INTS3: variants seen among roughly 807,000 people sequenced by gnomAD.
INTS3 encodes the protein integrator complex subunit 3, also known as SOSS complex subunit A.
A neutral mutation model predicts 146.3 loss-of-function variants in INTS3; 34 were observed. The observed-to-expected ratio is 0.23, with a 90% CI of 0.18 to 0.31. INTS3 has a LOEUF of 0.31. Among genes scored for constraint, INTS3 ranks in the 10% least tolerant of loss-of-function variants. The pLI, the probability that INTS3 is intolerant of heterozygous loss-of-function variation, is 1.00. For synonymous variants in INTS3, 475 were observed against 494.9 expected (o/e 0.96, Z 0.53); for missense variants, 757 against 1,304.2 (o/e 0.58, Z 6.46).
At chr1:153,740,292 G>A (rs1279462487) in intron 1 of INTS3, among the ~76,000 whole-genome samples, 2 of 151,820 alleles carry the variant, frequency 1.3e-5, no homozygotes, top group Non-Finnish European at 2.9e-5. Context: ...TAGAGACGGG[G>A]TTTCACCGTG....
rs1462202812 is a variant in INTS3 at position 153,755,707 on chromosome 1, G to T, written c.957+968G>T. 2.6e-5 allele frequency among the ~76,000 whole-genome samples: 4 copies of T among 152,150 alleles called. 1 individual carries two copies. The highest frequency in any genetic ancestry group is 6.5e-5 in the Admixed American group (1 of 15,280). On this transcript the variant is annotated intron_variant, in intron 9 of 29. Coordinates refer to ENST00000318967, the MANE Select transcript of INTS3 (RefSeq NM_023015.5). ...GTGTGGTAGCCACCAGCCATGTGTT[G>T]CCATTTAAATGTAAGTTAGTCTGCA... is the stretch of plus-strand genomic sequence containing the variant.
At chr1:153,753,016 G>A (rs1006692237) in intron 8 of INTS3, among the ~76,000 whole-genome samples, 5 of 151,384 alleles carry the variant, frequency 3.3e-5, no homozygotes, top group African/African-American at 1.2e-4. Flanking sequence ...ACGTGCTTGT[G>A]ATCGTGCATG....
Position 153,728,690 on chromosome 1 carries a change from C to CGGG in INTS3, c.57_59dup (p.Gly25dup). On this transcript the variant is annotated inframe_insertion, in exon 1 of 30. Coordinates refer to ENST00000318967, the MANE Select transcript of INTS3 (RefSeq NM_023015.5). ...GCAGCAGCAGCTGCTTCGGGAGCAGCGGGAGGTGGAGGAGGAGGAGCGGGA... is the reference window on the plus strand; with the variant it reads ...GCAGCAGCAGCTGCTTCGGGAGCAGCGGGGGGAGGTGGAGGAGGAGGAGCGGGA... 6.2e-7 allele frequency: 1 copy of CGGG among 1,604,788 alleles called. No homozygotes were observed. Among genetic ancestry groups the CGGG allele is most frequent in the Non-Finnish European group, 8.5e-7 (1 of 1,176,324 alleles).
At chr1:153,746,418 T>G (rs910184355) in intron 3 of INTS3, among the ~76,000 whole-genome samples, 5 of 148,534 alleles carry the variant, frequency 3.4e-5, no homozygotes, top group Admixed American at 2.7e-4. Flanking sequence ...GAGACAGAGT[T>G]TCGCTCCGTC....
rs775898855 is a variant in INTS3 at position 153,760,402 on chromosome 1, A to T, written c.1317+12A>T. 2.5e-6 allele frequency: 4 copies of T among 1,608,912 alleles called. No homozygotes were observed. The South Asian group carries it at 4.4e-5, about 18-fold the overall frequency. ...ACTTCATGTGCCGCGTAAGTGTTAGAGCTCTCTTTTCTCCCCATGCCTGGA... is the reference window on the plus strand; with the variant it reads ...ACTTCATGTGCCGCGTAAGTGTTAGTGCTCTCTTTTCTCCCCATGCCTGGA... On this transcript the variant is annotated intron_variant, in intron 12 of 29. Coordinates refer to ENST00000318967, the MANE Select transcript of INTS3 (RefSeq NM_023015.5).
intron 20 of INTS3, chr1:153,767,463 G>A: frequency 2.1e-6 from 1 of 466,862 alleles, no homozygotes; most frequent in Non-Finnish European, 3.8e-6. Flanking sequence ...GCCCTTTTGA[G>A]CTCTGGGGAA....
chr1:153,773,581 CA>C lies in INTS3; in HGVS notation c.*313del. 1 of 466,238 alleles carries C rather than the reference CA, an allele frequency of 2.1e-6. No homozygotes were observed. The highest frequency in any genetic ancestry group is 4.0e-6 in the Non-Finnish European group (1 of 251,344). 28.9% of individuals were successfully genotyped at this position (466,238 alleles called of 1,614,324 possible). ...GTCCTCAGCCCCCTGGCCCCTTCCGCAATCTCCTCCCCCAGTCTCCCAAAGA... is the reference window on the plus strand; with the variant it reads ...GTCCTCAGCCCCCTGGCCCCTTCCGCATCTCCTCCCCCAGTCTCCCAAAGA... On this transcript the variant is annotated 3_prime_UTR_variant, in exon 30 of 30. Coordinates refer to ENST00000318967, the MANE Select transcript of INTS3 (RefSeq NM_023015.5).
chr1:153,763,096 G>A (rs569056074), intron 15 of INTS3, 137 bp from the exon 16 acceptor site: 6 of 1,182,602 alleles, frequency 5.1e-6, no homozygotes, highest in Non-Finnish European at 6.2e-6. Context: ...TCAGGGAGAT[G>A]CTTCAGGCAC....
At chr1:153,749,731 C>G (rs901041139) in intron 6 of INTS3, among the ~76,000 whole-genome samples, 3 of 152,236 alleles carry the variant, frequency 2.0e-5, no homozygotes, top group Non-Finnish European at 4.4e-5. Context: ...TGTCCTGGGT[C>G]AGGGGGCCTT....
At chr1:153,740,589 C>A in intron 1 of INTS3, 62 bp from the exon 2 acceptor site, 1 of 1,234,478 alleles carries the variant, frequency 8.1e-7, no homozygotes, top group Non-Finnish European at 1.2e-6. Flanking sequence ...CTTTTAGGGG[C>A]CCAGAAGTAC....
Position 153,773,073 on chromosome 1 carries a change from A to G in INTS3, c.3043A>G (p.Ser1015Gly). ...PNAEEESGSS[S>G]ASEEEDTKPK... is the part of the protein sequence containing the mutation. ...TGCCGAAGAAGAGTCGGGCTCCAGC[A>G]GTGCTTCAGTGAGAACCCAGCCAGT... The change falls in exon 29 of 30, where the codon AGT becomes GGT. Residue 1015 changes from serine to glycine, a missense_variant. Ser to Gly is a moderately conservative substitution (Grantham distance 56). Around this residue, in one of 8 missense-constraint regions of INTS3, gnomAD observed 125 missense variants for 165.6 expected, o/e 0.75. Transcript: ENST00000318967. The G allele has an allele frequency of 6.2e-7, 1 of 1,614,168 alleles. No individual in the cohort carries two copies.
At chr1:153,769,718 C>T in intron 22 of INTS3, 51 bp from the exon 23 acceptor site, 1 of 1,276,238 alleles carries the variant, frequency 7.8e-7, no homozygotes. Flanking sequence ...TACTAGCTTC[C>T]TGGCCCCTTT....
At chr1:153,761,086 C>T (rs1185681501) in intron 13 of INTS3, 168 bp downstream of exon 13, 1 of 1,441,096 alleles carries the variant, frequency 6.9e-7, no homozygotes, top group Admixed American at 2.8e-5. Context: ...AGAGGAATTT[C>T]TCTCCTGCCA....
rs1461809236 is a variant in INTS3, at chr1:153,770,855, AT to A, written c.2552+124del. ...TTTTTCCTGTCGTTAACATCTGCTT[AT>A]TCTGCCCTTCCCCCAACGTGACTTA... On this transcript the variant is annotated intron_variant, in intron 25 of 29. Coordinates refer to ENST00000318967, the MANE Select transcript of INTS3 (RefSeq NM_023015.5). 12 of 761,748 alleles carry A rather than the reference AT, an allele frequency of 1.6e-5. No individual in the cohort carries two copies. In the East Asian group the frequency reaches 3.2e-4, roughly 20 times the overall value. The allele number at this position is 761,748 out of a possible 1,614,324, so 47.2% of individuals were successfully genotyped here.
rs565017345 is a variant in INTS3 at position 153,738,551 on chromosome 1, T to C, written c.151-2100T>C. On this transcript the variant is annotated intron_variant, in intron 1 of 29. Coordinates refer to ENST00000318967, the MANE Select transcript of INTS3 (RefSeq NM_023015.5). ...AGTGCATCCTGTTAGAGGCACATAG[T>C]GTTAACATGTCTCATTATTTAGTGA... is the stretch of plus-strand genomic sequence containing the variant. Among the ~76,000 whole-genome samples the C allele has an allele frequency of 3.3e-5, 5 of 152,264 alleles. No homozygotes were observed. In the South Asian group the frequency reaches 1.0e-3, roughly 31 times the overall value.
intron 25 of INTS3, among the ~76,000 whole-genome samples, chr1:153,771,075 C>T (rs1425137849): frequency 1.3e-5 from 2 of 151,936 alleles, no homozygotes; most frequent in Admixed American, 1.3e-4. Context: ...GGCCACCGCA[C>T]AGCTAATCCA....
chr1:153,764,837 G>C (rs1399779278), intron 19 of INTS3, 103 bp downstream of exon 19: 1 of 1,540,712 alleles, frequency 6.5e-7, no homozygotes, highest in Non-Finnish European at 9.0e-7. Context: ...TTCCAGGGAG[G>C]AGGACATATG....
chr1:153,761,090 C>A, intron 13 of INTS3, 172 bp downstream of exon 13: 1 of 1,439,682 alleles, frequency 6.9e-7, no homozygotes, highest in East Asian at 2.5e-5. Flanking sequence ...GAATTTCTCT[C>A]CTGCCATCGT....
rs1672611650 is a variant in INTS3, at chr1:153,766,912, G to C, written c.2091-762G>C. 1.3e-5 allele frequency: 2 copies of C among 151,934 alleles called. 1 individual carries two copies. Among genetic ancestry groups the C allele is most frequent in the South Asian group, 4.2e-4 (2 of 4,818 alleles). The allele number at this position is 151,934 out of a possible 1,614,324, so 9.4% of individuals were successfully genotyped here. A position where few individuals can be genotyped will look rare whatever the true frequency, so the allele number is the denominator to read the frequency against. ...GGGTTTCACCATGTTGGCCAGGCTG[G>C]TTGGCCAGGCTGGTCTTGAACTTCT... On this transcript the variant is annotated intron_variant, in intron 20 of 29. Coordinates refer to ENST00000318967, the MANE Select transcript of INTS3 (RefSeq NM_023015.5).
Sources: allele counts gnomAD v4.1 joint callset (sites outside exome capture counted in the v4.1 genomes callset), GRCh38; gene constraint gnomAD v4.1.1; regional missense constraint gnomAD v4.1.1; transcripts MANE v1.5; gene names NCBI Gene and HGNC (gene_info 2026-07-23, HGNC 2026-07-21).